Variants in PRTFDC1 observed in about 807,000 individuals in gnomAD.
The protein encoded by PRTFDC1 is phosphoribosyltransferase domain-containing protein 1.
A neutral mutation model predicts 34.6 loss-of-function variants in PRTFDC1; 38 were observed. That is an observed-to-expected ratio of 1.10 (90% CI 0.85 to 1.44). The LOEUF is 1.44. PRTFDC1 is among the 40% of genes most tolerant of loss of function. PRTFDC1 has a pLI of 0.00. For synonymous variants in PRTFDC1, 93 were observed against 98.1 expected (o/e 0.95, Z 0.31); for missense variants, 270 against 283.0 (o/e 0.95, Z 0.33).
At chr10:24,866,597 A>G (rs1469304080) in intron 4 of PRTFDC1, among the ~76,000 whole-genome samples, 2 of 151,980 alleles carry the variant, frequency 1.3e-5, no homozygotes, top group African/African-American at 4.8e-5. Flanking sequence ...TCAACTTTGG[A>G]AAAAAAATCA....
At position 24,848,996 on chromosome 10, in the gene PRTFDC1, A is replaced by G. The variant is rs1847436657; in HGVS notation, c.*848T>C. 1 of 152,218 alleles carries G rather than the reference A, an allele frequency of 6.6e-6. No individual in the cohort carries two copies. Among genetic ancestry groups the G allele is most frequent in the Admixed American group, 6.5e-5 (1 of 15,286 alleles). 9.4% of individuals were successfully genotyped at this position (152,218 alleles called of 1,614,324 possible). On this transcript the variant is annotated 3_prime_UTR_variant, in exon 9 of 9. Coordinates refer to ENST00000320152, the MANE Select transcript of PRTFDC1 (RefSeq NM_020200.7). Reference sequence around the variant, plus strand: ...CAGTGTCTTGTCCTTTCATGCAAATAAGAGGAAAAATTTATACTTGCTTAG... The same window carrying G: ...CAGTGTCTTGTCCTTTCATGCAAATGAGAGGAAAAATTTATACTTGCTTAG...
chr10:24,909,816 C>T (rs1309897074), intron 3 of PRTFDC1, among the ~76,000 whole-genome samples: 1 of 151,908 alleles, frequency 6.6e-6, no homozygotes. Flanking sequence ...GAGCCTTTCT[C>T]AATGCCCATA....
intron 5 of PRTFDC1, 60 bp downstream of exon 5, chr10:24,858,332 T>C (rs372743049): frequency 9.3e-5 from 146 of 1,570,454 alleles, no homozygotes; most frequent in Non-Finnish European, 1.2e-4. Context: ...GGTTTACCGT[T>C]TAAAACTCAC....
chr10:24,857,109 A>T, intron 5 of PRTFDC1, 114 bp from the exon 6 acceptor site: 1 of 890,112 alleles, frequency 1.1e-6, no homozygotes, highest in Non-Finnish European at 1.9e-6. Context: ...ATGCCATCCA[A>T]TTTGGAGCCA....
intron 3 of PRTFDC1, among the ~76,000 whole-genome samples, chr10:24,903,707 C>CTT (rs112008221): frequency 1.4e-5 from 2 of 142,612 alleles, no homozygotes; most frequent in Non-Finnish European, 1.5e-5. Flanking sequence ...AAGTTGTATT[C>CTT]TTTTTTTTTT....
intron 1 of PRTFDC1, among the ~76,000 whole-genome samples, chr10:24,943,593 C>T (rs1849205687): frequency 6.7e-6 from 1 of 149,874 alleles, no homozygotes; most frequent in Admixed American, 6.7e-5. Context: ...CACTGTCACC[C>T]AGTCTGGAGT....
chr10:24,860,583 T>C (rs1847663380), intron 4 of PRTFDC1, among the ~76,000 whole-genome samples: 1 of 152,216 alleles, frequency 6.6e-6, no homozygotes, highest in Non-Finnish European at 1.5e-5. Context: ...GTTATGACAT[T>C]TTTATTCATT....
chr10:24,912,495 T>C (rs1848641660), intron 3 of PRTFDC1, among the ~76,000 whole-genome samples: 1 of 151,936 alleles, frequency 6.6e-6, no homozygotes, highest in Non-Finnish European at 1.5e-5. Context: ...TGACTAATGA[T>C]ATTGAAAATC....
chr10:24,950,581 C>G (rs1003845852), intron 1 of PRTFDC1, among the ~76,000 whole-genome samples: 2 of 152,116 alleles, frequency 1.3e-5, no homozygotes, highest in African/African-American at 4.8e-5. Context: ...TGTTTTCCAT[C>G]TTGGTATCCG....
At chr10:24,923,799 A>G (rs778965555) in intron 3 of PRTFDC1, among the ~76,000 whole-genome samples, 12 of 152,176 alleles carry the variant, frequency 7.9e-5, no homozygotes, top group Non-Finnish European at 1.6e-4. Context: ...ACAGAGAATG[A>G]GTTTGAGGAG....
At chr10:24,899,958 G>T (rs1390431699) in intron 3 of PRTFDC1, among the ~76,000 whole-genome samples, 3 of 152,154 alleles carry the variant, frequency 2.0e-5, no homozygotes, top group Non-Finnish European at 4.4e-5. Flanking sequence ...GTGGAAAATG[G>T]ATTGGAAAAG....
intron 3 of PRTFDC1, among the ~76,000 whole-genome samples, chr10:24,874,612 AT>A (rs1287732256): frequency 6.6e-6 from 1 of 152,236 alleles, no homozygotes; most frequent in Admixed American, 6.5e-5. Flanking sequence ...CATTCTATTG[AT>A]TAAAACCAAA....
chr10:24,891,685 T>C (rs1848264393), intron 3 of PRTFDC1, among the ~76,000 whole-genome samples: 1 of 152,058 alleles, frequency 6.6e-6, no homozygotes, highest in South Asian at 2.1e-4. Context: ...GAGGATTGCT[T>C]GAGCCCAGGA....
intron 4 of PRTFDC1, among the ~76,000 whole-genome samples, chr10:24,870,197 C>A (rs1385944227): frequency 4.5e-4 from 68 of 152,188 alleles, no homozygotes; most frequent in Admixed American, 4.5e-3. Context: ...GCAGCCTTAA[C>A]TCTTGAGCTT....
chr10:24,921,731 A>G (rs1210613435), intron 3 of PRTFDC1, among the ~76,000 whole-genome samples: 4 of 145,372 alleles, frequency 2.8e-5, no homozygotes, highest in Non-Finnish European at 1.5e-5. Context: ...AAAAAAAAAA[A>G]GCTAGGCAAA....
At position 24,934,241 on chromosome 10, in the gene PRTFDC1, GAAGAAGGAGAAGA is replaced by G. The variant is rs773442314; in HGVS notation, c.339+2930_339+2942del. Among the ~76,000 whole-genome samples, 95 of 104,378 alleles carry G rather than the reference GAAGAAGGAGAAGA, an allele frequency of 9.1e-4. 1 individual carries two copies. Among genetic ancestry groups the G allele is most frequent in the Admixed American group, 2.6e-3 (30 of 11,448 alleles). 68.5% of individuals were successfully genotyped at this position (104,378 alleles called of 152,430 possible). On this transcript the variant is annotated intron_variant, in intron 3 of 8. Transcript: ENST00000320152. ...AGAAGAAGAAGAAGAAGAAGAAGAA[GAAGAAGGAGAAGA>G]AGAAGAAGAAGAAGAAGAAGAACTG... is the stretch of plus-strand genomic sequence containing the variant.
At chr10:24,880,932 C>A (rs553293178) in intron 3 of PRTFDC1, among the ~76,000 whole-genome samples, 2 of 139,950 alleles carry the variant, frequency 1.4e-5, no homozygotes, top group Non-Finnish European at 3.1e-5. Context: ...TCTTTCTTTC[C>A]CCTTTCTTTC....
chr10:24,880,115 T>C (rs1293509311), intron 3 of PRTFDC1, among the ~76,000 whole-genome samples: 1 of 152,210 alleles, frequency 6.6e-6, no homozygotes, highest in Non-Finnish European at 1.5e-5. Context: ...GGGTTCCTAC[T>C]TCATAGGAGC....
chr10:24,868,526 T>C (rs1033960), intron 4 of PRTFDC1, among the ~76,000 whole-genome samples: 128,041 of 152,184 alleles, frequency 0.84, 53,969 homozygotes, highest in African/African-American at 0.88. Context: ...GTCACTGCAG[T>C]CTCAACCTCC....
Sources: gnomAD v4.1 joint callset for allele counts (sites outside exome capture counted in the v4.1 genomes callset) on GRCh38, gnomAD v4.1.1 for gene constraint, MANE v1.5 for transcripts, NCBI Gene and HGNC (gene_info 2026-07-23, HGNC 2026-07-21) for gene names.